The following BIRC6 variants were observed in gnomAD, a reference collection of about 807,000 sequenced individuals.
BIRC6 encodes the protein dual E2 ubiquitin-conjugating enzyme/E3 ubiquitin-protein ligase BIRC6.
In BIRC6, 98 loss-of-function variants were observed where a neutral mutation model predicts 503.3. That is an observed-to-expected ratio of 0.19 (90% confidence interval 0.17 to 0.23). The LOEUF is 0.23. BIRC6 is among the 10% of genes least tolerant of loss of function. The pLI, the probability that BIRC6 is intolerant of heterozygous loss-of-function variation, is 1.00. For missense variants in BIRC6, 5,360 were observed against 5,806.0 expected (o/e 0.92, Z 2.50); for synonymous variants, 2,240 against 2,078.7 (o/e 1.08, Z -2.11).
intron 4 of BIRC6, among the ~76,000 whole-genome samples, chr2:32,391,500 C>G (rs543624620): frequency 1.3e-5 from 2 of 152,294 alleles, no homozygotes; most frequent in East Asian, 3.9e-4. Context: ...CTGAATACAA[C>G]TACGAGTAAA....
Position 32,584,465 on chromosome 2 carries a change from G to A in BIRC6, c.13355+9099G>A, listed in dbSNP as rs111356429. On this transcript the variant is annotated intron_variant, in intron 66 of 73. Transcript: ENST00000421745. The stretch of plus-strand genomic sequence containing the variant: ...AGAGAATCGCTTCAACCGGGGAGGC[G>A]GAGGTTGTAGTGAGCCAAGATAGTG... 5.8e-3 allele frequency among the ~76,000 whole-genome samples: 877 copies of A among 152,152 alleles called. 10 individuals are homozygous for A. Among genetic ancestry groups the A allele is most frequent in the African/African-American group, 0.019 (786 of 41,504 alleles).
intron 3 of BIRC6, among the ~76,000 whole-genome samples, chr2:32,380,593 G>C (rs2037477420): frequency 1.3e-5 from 2 of 152,028 alleles, no homozygotes; most frequent in South Asian, 4.2e-4. Context: ...CAGGCGTGGT[G>C]GCAGGCGCCT....
chr2:32,549,225 C>G, intron 64 of BIRC6, 88 bp from the exon 65 acceptor site: 2 of 889,262 alleles, frequency 2.2e-6, no homozygotes, highest in Non-Finnish European at 3.2e-6. Flanking sequence ...AATATGTACT[C>G]TTAGTATTCA....
rs182904334 is a variant in BIRC6, at chr2:32,431,256, C to T, written c.3248+166C>T. Among the ~76,000 whole-genome samples the T allele has an allele frequency of 4.0e-3, 456 of 114,516 alleles. 3 individuals are homozygous for T. In the Middle Eastern group the frequency reaches 0.066, roughly 17 times the overall value. 75.1% of individuals were successfully genotyped at this position (114,516 alleles called of 152,430 possible). On this transcript the variant is annotated intron_variant, in intron 12 of 73. Transcript: ENST00000421745. ...TGTCACCCAGGCTGGAGTGCAGTGG[C>T]GCAATCTCGGCTCACTGCAACCACT...
At chr2:32,446,535 G>A (rs566499589) in intron 21 of BIRC6, among the ~76,000 whole-genome samples, 22 of 152,148 alleles carry the variant, frequency 1.4e-4, no homozygotes, top group African/African-American at 4.1e-4. Flanking sequence ...AGGCTATGTC[G>A]TAATGATTCA....
chr2:32,486,775 A>G (rs887882625), intron 40 of BIRC6, among the ~76,000 whole-genome samples: 3 of 152,302 alleles, frequency 2.0e-5, no homozygotes, highest in Non-Finnish European at 4.4e-5. Context: ...GGGTATCAAA[A>G]GAAGGGAAAA....
chr2:32,546,178 G>A (rs1360613011), intron 63 of BIRC6, among the ~76,000 whole-genome samples: 1 of 152,128 alleles, frequency 6.6e-6, no homozygotes, highest in African/African-American at 2.4e-5. Context: ...TAATACTATA[G>A]AATGGGGGTT....
chr2:32,501,539 G>C (rs578115493), intron 46 of BIRC6, among the ~76,000 whole-genome samples, 174 bp from the exon 47 acceptor site: 1 of 152,114 alleles, frequency 6.6e-6, no homozygotes, highest in Non-Finnish European at 1.5e-5. Flanking sequence ...TGACTTTTCA[G>C]CTTCTATATT....
intron 73 of BIRC6, among the ~76,000 whole-genome samples, chr2:32,617,245 C>CA (rs1313043852): frequency 6.6e-6 from 1 of 152,064 alleles, no homozygotes; most frequent in African/African-American, 2.4e-5. Context: ...ACTAAAAATA[C>CA]AAAAAATTAG....
At chr2:32,598,082 A>G (rs541699894) in intron 69 of BIRC6, 114 bp downstream of exon 69, 10 of 1,063,964 alleles carry the variant, frequency 9.4e-6, no homozygotes, top group Non-Finnish European at 1.2e-5. Flanking sequence ...AAACACTAGA[A>G]ATTTTGGTGA....
intron 60 of BIRC6, 23 bp from the exon 61 acceptor site, chr2:32,531,332 G>C: frequency 3.2e-6 from 5 of 1,578,632 alleles, no homozygotes; most frequent in Non-Finnish European, 4.3e-6. Flanking sequence ...TACCTATTCA[G>C]TTATTTGTAA....
At chr2:32,612,903 T>C (rs1383391287) in intron 73 of BIRC6, among the ~76,000 whole-genome samples, 1 of 152,218 alleles carries the variant, frequency 6.6e-6, no homozygotes, top group African/African-American at 2.4e-5. Context: ...GATTGTCTTC[T>C]TTCACCGTCA....
intron 2 of BIRC6, among the ~76,000 whole-genome samples, chr2:32,378,456 T>C (rs1355712599): frequency 2.0e-5 from 3 of 151,686 alleles, no homozygotes; most frequent in African/African-American, 7.3e-5. Context: ...AAAACAGCAG[T>C]AATTTTTTTT....
At position 32,499,693 on chromosome 2, in the gene BIRC6, C is replaced by G; in HGVS notation, c.8615C>G (p.Thr2872Ser). 1.2e-6 allele frequency: 2 copies of G among 1,614,000 alleles called. No homozygotes were observed. Among genetic ancestry groups the G allele is most frequent in the Non-Finnish European group, 1.7e-6 (2 of 1,179,886 alleles). Residue 2872 changes from threonine (T) to serine (S), a missense_variant, in exon 46 of 74, where the codon ACT becomes AGT. Transcript: ENST00000421745. The stretch of plus-strand genomic sequence containing the variant: ...ACATTTTTAGTGCACCACTATATCA[C>G]TTGCTCAGACAAAGTAATGTCAAGA... ...SVTFLVHHYI[T>S]CSDKVMSRSG...
intron 36 of BIRC6, 129 bp from the exon 37 acceptor site, chr2:32,479,333 C>T: frequency 2.3e-6 from 2 of 876,874 alleles, no homozygotes; most frequent in Non-Finnish European, 3.4e-6. Flanking sequence ...AACTCATTTG[C>T]CTCAGATTCT....
Position 32,509,751 on chromosome 2 carries a change from C to T in BIRC6, c.9994C>T (p.Arg3332Trp). ...TTGTATTTTCAGTATTGGATGGTTACGGTTATTACATCATTGCCTTACTCA... is the reference window on the plus strand; with the variant it reads ...TTGTATTTTCAGTATTGGATGGTTATGGTTATTACATCATTGCCTTACTCA... Reference protein sequence around the residue: ...QVSKTSIGWLRLLHHCLTHIS... With the variant: ...QVSKTSIGWLWLLHHCLTHIS... Residue 3332 changes from arginine to tryptophan, a missense_variant, in exon 52 of 74, where the codon CGG becomes TGG. Physicochemically the swap from Arg to Trp is moderately radical, Grantham distance 101. This residue lies in a region of BIRC6 where 62 missense variants were observed against 107.4 expected (regional missense o/e 0.58). Coordinates refer to ENST00000421745, the MANE Select transcript of BIRC6 (RefSeq NM_016252.4). The T allele has an allele frequency of 3.1e-6, 5 of 1,613,906 alleles. No individual in the cohort carries two copies. The highest frequency in any genetic ancestry group is 4.2e-6 in the Non-Finnish European group (5 of 1,179,856).
chr2:32,456,278 A>G (rs554329887), intron 23 of BIRC6, among the ~76,000 whole-genome samples: 30 of 152,330 alleles, frequency 2.0e-4, no homozygotes, highest in African/African-American at 7.0e-4. Context: ...ACATGTATGT[A>G]TATTTGGTTT....
At chr2:32,390,917 C>A (rs1386101052) in intron 4 of BIRC6, among the ~76,000 whole-genome samples, 6 of 152,114 alleles carry the variant, frequency 3.9e-5, no homozygotes, top group Middle Eastern at 3.2e-3. Context: ...TTTTTATATT[C>A]TGTAGTAGTA....
At chr2:32,587,056 A>G (rs2061079417) in intron 66 of BIRC6, among the ~76,000 whole-genome samples, 2 of 152,214 alleles carry the variant, frequency 1.3e-5, no homozygotes, top group Admixed American at 1.3e-4. Flanking sequence ...CAGAGCATGG[A>G]GCTTCTGAGC....
Sources: gnomAD v4.1 joint callset for allele counts (sites outside exome capture counted in the v4.1 genomes callset) on GRCh38, gnomAD v4.1.1 for gene constraint, gnomAD v4.1.1 regional missense constraint, MANE v1.5 for transcripts, NCBI Gene and HGNC (gene_info 2026-07-23, HGNC 2026-07-21) for gene names.